Variants in PARP14 observed in about 807,000 individuals in gnomAD.
The protein encoded by PARP14 is protein mono-ADP-ribosyltransferase PARP14.
In PARP14, 59 loss-of-function variants were observed where a neutral mutation model predicts 154.2. The ratio of observed to expected loss-of-function variants is 0.38; its 90% CI spans 0.31 to 0.48. The LOEUF is 0.48. Ranked by LOEUF, PARP14 falls within the 20% of genes least tolerant of loss-of-function variation. The pLI, the probability that PARP14 is intolerant of heterozygous loss-of-function variation, is 0.98. For synonymous variants in PARP14, 720 were observed against 780.5 expected, an observed-to-expected ratio of 0.92 and a Z score of 1.29; for missense variants, 1,734 against 2,131.6, an observed-to-expected ratio of 0.81 and a Z score of 3.67.
intron 8 of PARP14, among the ~76,000 whole-genome samples, chr3:122,707,338 G>A (rs1393382601): frequency 1.3e-5 from 2 of 150,610 alleles, no homozygotes; most frequent in East Asian, 3.9e-4. Context: ...CCAAGATTGT[G>A]CCACTACACT....
intron 3 of PARP14, among the ~76,000 whole-genome samples, chr3:122,689,629 C>A (rs1317240869): frequency 6.6e-6 from 1 of 152,106 alleles, no homozygotes; most frequent in Non-Finnish European, 1.5e-5. Flanking sequence ...TTAAAGTTTT[C>A]CTTATCCATC....
At chr3:122,727,664 G>C in intron 15 of PARP14, 148 bp from the exon 16 acceptor site, 1 of 487,270 alleles carries the variant, frequency 2.1e-6, no homozygotes, top group Non-Finnish European at 3.6e-6. Flanking sequence ...GATCTAAAAA[G>C]GTTTCTGAAT....
chr3:122,723,224 G>A (rs763059275), intron 15 of PARP14, among the ~76,000 whole-genome samples: 6 of 152,120 alleles, frequency 3.9e-5, no homozygotes, highest in Non-Finnish European at 8.8e-5. Flanking sequence ...ACAGGTGTGA[G>A]CCACCACATC....
intron 3 of PARP14, 21 bp downstream of exon 3, chr3:122,687,134 A>T (rs1170134650): frequency 6.4e-7 from 1 of 1,568,922 alleles, no homozygotes; most frequent in South Asian, 1.1e-5. Context: ...AGTTGAGATG[A>T]CTCTGACATT....
intron 12 of PARP14, among the ~76,000 whole-genome samples, chr3:122,715,380 AT>A (rs1932964589): frequency 6.6e-6 from 1 of 152,072 alleles, no homozygotes; most frequent in African/African-American, 2.4e-5. Context: ...AAACTTAACC[AT>A]CCTTGTCAAT....
chr3:122,695,515 A>G lies in PARP14; in HGVS notation c.688A>G (p.Ile230Val), dbSNP rs369106010. The change falls in exon 5 of 17, where the codon ATC becomes GTC. Residue 230 changes from isoleucine (I) to valine (V), a missense_variant. Transcript: ENST00000474629. Reference sequence around the variant, plus strand: ...AAGACTTCTGGAAGTGACAAACACAATCAGGGTTGAAAACCTGCCACCTGG... The same window carrying G: ...AAGACTTCTGGAAGTGACAAACACAGTCAGGGTTGAAAACCTGCCACCTGG... ...SPRLLEVTNT[I>V]RVENLPPGAD... The G allele has an allele frequency of 1.6e-5, 26 of 1,610,570 alleles. No individual in the cohort carries two copies. Among genetic ancestry groups the G allele is most frequent in the Admixed American group, 6.7e-5 (4 of 59,748 alleles).
At chr3:122,703,006 AAAAACAAAAAAAAAAAACAAAAAAC>A (rs1263352995) in intron 6 of PARP14, among the ~76,000 whole-genome samples, 30 of 112,274 alleles carry the variant, frequency 2.7e-4, no homozygotes, top group Non-Finnish European at 3.2e-4. Flanking sequence ...AAAAAAAAAA[AAAAACAAAAAAAAAAAACAAAAAAC>A]AAAAAACAGT....
rs1933396392 is a variant in PARP14, at chr3:122,730,410, A to G, written c.*1813A>G. 6.6e-6 allele frequency: 1 copy of G among 152,286 alleles called. No individual in the cohort carries two copies. The highest frequency in any genetic ancestry group is 2.1e-4 in the South Asian group (1 of 4,834). The allele number at this position is 152,286 out of a possible 1,614,324, so 9.4% of individuals were successfully genotyped here. The stretch of plus-strand genomic sequence containing the variant: ...GACACGGAGCCAATGCAGATAGCAC[A>G]TCAGATGCTAGGGGTCGCTGGGAGG... On this transcript the variant is annotated 3_prime_UTR_variant, in exon 17 of 17. Coordinates refer to ENST00000474629, the MANE Select transcript of PARP14 (RefSeq NM_017554.3).
intron 15 of PARP14, among the ~76,000 whole-genome samples, chr3:122,724,636 GAA>G (rs1553749348): frequency 2.0e-5 from 3 of 147,816 alleles, no homozygotes; most frequent in African/African-American, 7.5e-5. Flanking sequence ...ATTTAATGTT[GAA>G]AAAAAAATTT....
In PARP14 at chr3:122,699,695, A is replaced by C. The variant is rs754650276; in HGVS notation, c.1141A>C (p.Lys381Gln). 1 of 1,614,016 alleles carries C rather than the reference A, an allele frequency of 6.2e-7. No homozygotes were observed. The highest frequency in any genetic ancestry group is 8.5e-7 in the Non-Finnish European group (1 of 1,179,884). Residue 381 changes from lysine to glutamine, a missense_variant, in exon 6 of 17, where the codon AAG (lysine) becomes CAG (glutamine). Physicochemically the swap from Lys to Gln is moderately conservative, Grantham distance 53. This residue lies in a region of PARP14 where 1,646 missense variants were observed against 1,976.0 expected (regional missense o/e 0.83). Transcript: ENST00000474629. ...AGTCAATGAAGGAAGACCGAGAATC[A>C]AGACCTGGCAGGCAGATACTTCCAC... ...TLVNEGRPRI[K>Q]TWQADTSTTL... is the part of the protein sequence containing the mutation.
intron 9 of PARP14, among the ~76,000 whole-genome samples, chr3:122,710,644 G>A (rs535308418): frequency 6.6e-6 from 1 of 152,108 alleles, no homozygotes; most frequent in African/African-American, 2.4e-5. Flanking sequence ...ATTGCTTTGG[G>A]CAGAATGGTC....
At chr3:122,702,073 A>G (rs1199182816) in intron 6 of PARP14, among the ~76,000 whole-genome samples, 1 of 152,154 alleles carries the variant, frequency 6.6e-6, no homozygotes, top group Non-Finnish European at 1.5e-5. Flanking sequence ...TTGGGGCCAG[A>G]GTCTAAGGGG....
Position 122,695,548 on chromosome 3 carries a change from G to T in PARP14, c.721G>T (p.Asp241Tyr). The change falls in exon 5 of 17, where the codon GAC becomes TAC. Residue 241 changes from aspartate (D) to tyrosine (Y), a missense_variant. Around this residue, in one of 2 missense-constraint regions of PARP14, gnomAD observed 1,646 missense variants for 1,976.0 expected, o/e 0.83. Coordinates refer to ENST00000474629, the MANE Select transcript of PARP14 (RefSeq NM_017554.3). ...TGAAAACCTGCCACCTGGTGCTGAT[G>T]ACTACAGTTTAAAACTTTTCTTTGA... ...RVENLPPGAD[D>Y]YSLKLFFENP... The T allele has an allele frequency of 1.2e-6, 2 of 1,608,426 alleles. No homozygotes were observed. Among genetic ancestry groups the T allele is most frequent in the South Asian group, 2.2e-5 (2 of 90,674 alleles).
At position 122,728,671 on chromosome 3, in the gene PARP14, T is replaced by C; in HGVS notation, c.*74T>C. 1 of 1,207,390 alleles carries C rather than the reference T, an allele frequency of 8.3e-7. No individual in the cohort carries two copies. The highest frequency in any genetic ancestry group is 1.2e-6 in the Non-Finnish European group (1 of 852,318). The allele number at this position is 1,207,390 out of a possible 1,614,324, so 74.8% of individuals were successfully genotyped here. A position where few individuals can be genotyped will look rare whatever the true frequency, so the allele number is the denominator to read the frequency against. On this transcript the variant is annotated 3_prime_UTR_variant, in exon 17 of 17. Coordinates refer to ENST00000474629, the MANE Select transcript of PARP14 (RefSeq NM_017554.3). ...GTTGTAAAACAAGTTTTAGCTTTTT[T>C]TTTTAATTCCTCTTAACAGATTTTT...
intron 15 of PARP14, among the ~76,000 whole-genome samples, chr3:122,723,293 C>T (rs1281065587): frequency 2.6e-5 from 4 of 152,152 alleles, no homozygotes; most frequent in African/African-American, 9.6e-5. Flanking sequence ...TATAACTCCC[C>T]CTCCCCAACC....
At position 122,695,541 on chromosome 3, in the gene PARP14, TG is replaced by T; in HGVS notation, c.715del (p.Ala239LeufsTer6). On this transcript the variant is annotated frameshift_variant, in exon 5 of 17. Transcript: ENST00000474629. LOFTEE classifies it high-confidence loss of function. ...TCAGGGTTGAAAACCTGCCACCTGG[TG>T]CTGATGACTACAGTTTAAAACTTTT... ...TIRVENLPPG[A>X]DDYSLKLFFE... 6.2e-7 allele frequency: 1 copy of T among 1,607,850 alleles called. No individual in the cohort carries two copies. The highest frequency in any genetic ancestry group is 8.5e-7 in the Non-Finnish European group (1 of 1,174,844).
intron 12 of PARP14, among the ~76,000 whole-genome samples, 173 bp downstream of exon 12, chr3:122,714,602 T>C (rs1222225887): frequency 6.6e-6 from 1 of 152,046 alleles, no homozygotes; most frequent in Non-Finnish European, 1.5e-5. Flanking sequence ...ACAAAGCCTG[T>C]GGATTGTTTG....
intron 12 of PARP14, 99 bp from the exon 13 acceptor site, chr3:122,717,971 TG>T: frequency 1.2e-6 from 1 of 815,688 alleles, no homozygotes; most frequent in Non-Finnish European, 2.0e-6. Flanking sequence ...AATTGAGGAG[TG>T]GGCATTTATT....
At chr3:122,720,631 C>T in intron 15 of PARP14, 1 of 540,422 alleles carries the variant, frequency 1.9e-6, no homozygotes, top group South Asian at 1.9e-5. Context: ...CATATATTTA[C>T]TTTGTGAAGC....
Sources: allele counts gnomAD v4.1 joint callset (sites outside exome capture counted in the v4.1 genomes callset), GRCh38; gene constraint gnomAD v4.1.1; regional missense constraint gnomAD v4.1.1; transcripts MANE v1.5; gene names NCBI Gene and HGNC (gene_info 2026-07-23, HGNC 2026-07-21).